Variants in TLN2 observed in about 807,000 individuals in gnomAD.
TLN2 encodes the protein talin 2.
A neutral mutation model predicts 294.7 loss-of-function variants in TLN2; 118 were observed. That is an observed-to-expected ratio of 0.40 (90% confidence interval 0.34 to 0.47). The LOEUF (loss-of-function observed/expected upper bound fraction) is 0.47, where lower values mean the gene tolerates loss of function less well. Among genes scored for constraint, TLN2 ranks in the 20% least tolerant of loss-of-function variants. The pLI is 0.84. For synonymous variants in TLN2, 1,431 were observed against 1,304.5 expected, an observed-to-expected ratio of 1.10 and a Z score of -2.09; for missense variants, 3,083 against 3,282.2, an observed-to-expected ratio of 0.94 and a Z score of 1.48.
intron 1 of TLN2, among the ~76,000 whole-genome samples, chr15:62,556,996 T>C (rs1178971406): frequency 6.6e-6 from 1 of 152,218 alleles, no homozygotes; most frequent in African/African-American, 2.4e-5. Flanking sequence ...AAGAAATAGA[T>C]TTTATGATTG....
intron 1 of TLN2, among the ~76,000 whole-genome samples, chr15:62,580,169 A>G (rs1352528541): frequency 6.6e-6 from 1 of 152,186 alleles, no homozygotes; most frequent in Admixed American, 6.5e-5. Flanking sequence ...ATTTTAAAAA[A>G]TATTTTGTTT....
chr15:62,624,874 A>T (rs921281726), intron 3 of TLN2, among the ~76,000 whole-genome samples: 2 of 152,262 alleles, frequency 1.3e-5, no homozygotes, highest in Non-Finnish European at 2.9e-5. Context: ...AAAACAATGC[A>T]GCTAAGAACG....
At chr15:62,773,509 G>C (rs1014322356) in intron 42 of TLN2, among the ~76,000 whole-genome samples, 5 of 152,050 alleles carry the variant, frequency 3.3e-5, no homozygotes, top group Non-Finnish European at 5.9e-5. Context: ...GTGCGCCTGG[G>C]ACACTACAAG....
At chr15:62,461,548 T>C (rs1307582678) in intron 1 of TLN2, among the ~76,000 whole-genome samples, 1 of 152,226 alleles carries the variant, frequency 6.6e-6, no homozygotes, top group Non-Finnish European at 1.5e-5. Flanking sequence ...TGTGTTTGCT[T>C]TGCTTTTCCT....
At chr15:62,738,403 T>C in intron 30 of TLN2, 70 bp downstream of exon 30, 1 of 1,544,060 alleles carries the variant, frequency 6.5e-7, no homozygotes, top group South Asian at 1.3e-5. Flanking sequence ...TGAAGTCTTC[T>C]TCTCTCCATG....
At chr15:62,839,349 T>TA (rs1267497589) in intron 58 of TLN2, among the ~76,000 whole-genome samples, 2 of 152,238 alleles carry the variant, frequency 1.3e-5, no homozygotes, top group African/African-American at 4.8e-5. Context: ...CAATGTAGTA[T>TA]ATATTTTTTG....
intron 1 of TLN2, among the ~76,000 whole-genome samples, chr15:62,411,494 T>C (rs890347392): frequency 1.3e-5 from 2 of 149,444 alleles, no homozygotes; most frequent in Non-Finnish European, 3.0e-5. Context: ...CCATGCTGCA[T>C]TGGCCCTTGT....
chr15:62,485,369 A>G (rs2038333234), intron 1 of TLN2, among the ~76,000 whole-genome samples: 1 of 152,220 alleles, frequency 6.6e-6, no homozygotes, highest in African/African-American at 2.4e-5. Context: ...TCCAAGGGTC[A>G]GGGCTTCAGC....
chr15:62,631,660 T>TTTCTTTTTC (rs753534079), intron 3 of TLN2, among the ~76,000 whole-genome samples: 1 of 142,548 alleles, frequency 7.0e-6, no homozygotes, highest in Non-Finnish European at 1.6e-5. Flanking sequence ...CTTCTTTTTC[T>TTTCTTTTTC]TTCTTTCTCT....
intron 11 of TLN2, among the ~76,000 whole-genome samples, chr15:62,682,183 AAGC>A (rs1359251250): frequency 3.3e-5 from 5 of 152,244 alleles, no homozygotes; most frequent in Non-Finnish European, 7.3e-5. Context: ...TGTAGTATGA[AAGC>A]AGCCATAGGC....
intron 1 of TLN2, among the ~76,000 whole-genome samples, chr15:62,465,560 A>AGTT (rs2037085474): frequency 6.6e-6 from 1 of 152,136 alleles, no homozygotes; most frequent in Non-Finnish European, 1.5e-5. Flanking sequence ...CTCTCAGCTA[A>AGTT]GTTGTTGTCT....
rs149502622 is a variant in TLN2 at position 62,711,981 on chromosome 15, T to C, written c.2538T>C (p.Asp846=). ...ACCTCGTCAATGCCATGAGGTCAGA[T>C]GCAGAAGCCGAAATCGACATGGAGA... ...TSDLVNAMRS[D]AEAEIDMENS... The change falls in exon 22 of 59, where the codon GAT becomes GAC. Residue 846 remains aspartate (D), a synonymous_variant. Coordinates refer to ENST00000636159, the MANE Select transcript of TLN2 (RefSeq NM_015059.3). 27 of 1,614,214 alleles carry C rather than the reference T, an allele frequency of 1.7e-5. No individual in the cohort carries two copies. The East Asian group carries it at 5.8e-4, about 35-fold the overall frequency.
intron 23 of TLN2, 70 bp downstream of exon 23, chr15:62,716,529 A>G: frequency 1.3e-6 from 2 of 1,522,254 alleles, no homozygotes; most frequent in Non-Finnish European, 1.8e-6. Context: ...AAGATAGTTG[A>G]ATTAACAAGG....
intron 1 of TLN2, among the ~76,000 whole-genome samples, chr15:62,475,320 T>G (rs1265948628): frequency 6.6e-6 from 1 of 152,242 alleles, no homozygotes; most frequent in Non-Finnish European, 1.5e-5. Context: ...TGGAATTTTC[T>G]AGCTGAAGGA....
intron 1 of TLN2, among the ~76,000 whole-genome samples, chr15:62,395,910 A>G (rs1319196706): frequency 6.6e-6 from 1 of 152,106 alleles, no homozygotes; most frequent in African/African-American, 2.4e-5. Flanking sequence ...ATGTGGGCTC[A>G]CTGCAACCTC....
chr15:62,816,284 A>G (rs2067110431), intron 52 of TLN2, among the ~76,000 whole-genome samples: 2 of 152,346 alleles, frequency 1.3e-5, no homozygotes, highest in African/African-American at 4.8e-5. Flanking sequence ...CTCGTTTATC[A>G]TAGAGGATTT....
intron 1 of TLN2, among the ~76,000 whole-genome samples, chr15:62,450,547 A>ATGTG (rs10591621): frequency 2.1e-4 from 28 of 136,140 alleles, no homozygotes; most frequent in South Asian, 5.1e-4. Context: ...GTATGTATGT[A>ATGTG]TGTGTGTGTG....
At chr15:62,459,000 A>G (rs932491402) in intron 1 of TLN2, among the ~76,000 whole-genome samples, 6 of 147,776 alleles carry the variant, frequency 4.1e-5, no homozygotes, top group African/African-American at 1.5e-4. Flanking sequence ...AGTAGACTCT[A>G]TTTTTTTTTT....
At chr15:62,731,102 G>GT (rs1050091711) in intron 28 of TLN2, among the ~76,000 whole-genome samples, 27 of 152,046 alleles carry the variant, frequency 1.8e-4, no homozygotes, top group African/African-American at 6.0e-4. Flanking sequence ...GATTTTAATT[G>GT]TAAGTATCAT....
Sources: allele counts gnomAD v4.1 joint callset (sites outside exome capture counted in the v4.1 genomes callset), GRCh38; gene constraint gnomAD v4.1.1; transcripts MANE v1.5; gene names NCBI Gene and HGNC (gene_info 2026-07-23, HGNC 2026-07-21).